Variants in PFKFB3 observed in about 807,000 individuals in gnomAD.
PFKFB3 encodes 6-phosphofructo-2-kinase/fructose-2,6-biphosphatase 3, also known as 6-phosphofructo-2-kinase/fructose-2,6-bisphosphatase 3.
A neutral mutation model predicts 68.0 loss-of-function variants in PFKFB3; 33 were observed. The observed-to-expected ratio is 0.49, with a 90% CI of 0.37 to 0.65. The LOEUF is 0.65. PFKFB3 is among the 30% of genes least tolerant of loss of function. The pLI, the probability that PFKFB3 is intolerant of heterozygous loss-of-function variation, is 0.00. For missense variants in PFKFB3, 586 were observed against 712.2 expected (o/e 0.82, Z 2.02); for synonymous variants, 315 against 288.2 (o/e 1.09, Z -0.94).
chr10:6,162,028 A>G (rs1489596002), intron 1 of PFKFB3, among the ~76,000 whole-genome samples: 2 of 152,166 alleles, frequency 1.3e-5, no homozygotes, highest in Admixed American at 1.3e-4. Context: ...CTCTGCACCC[A>G]TTAAACAATA....
chr10:6,206,014 C>T (rs1441143490), intron 1 of PFKFB3, among the ~76,000 whole-genome samples: 3 of 149,226 alleles, frequency 2.0e-5, no homozygotes, highest in Non-Finnish European at 4.4e-5. Context: ...GGGTGTTTCT[C>T]GCAGAGGGGG....
chr10:6,222,062 C>T (rs148168973), intron 10 of PFKFB3, among the ~76,000 whole-genome samples: 21 of 152,274 alleles, frequency 1.4e-4, no homozygotes, highest in Admixed American at 3.9e-4. Context: ...CCCTGGGCAG[C>T]GTCTGTGCTT....
chr10:6,182,283 C>T (rs567139625), intron 1 of PFKFB3, among the ~76,000 whole-genome samples: 1 of 152,216 alleles, frequency 6.6e-6, no homozygotes, highest in East Asian at 1.9e-4. Flanking sequence ...CACACAGAAG[C>T]ACGCACACAC....
chr10:6,206,192 G>A (rs1843673617), intron 1 of PFKFB3, among the ~76,000 whole-genome samples: 1 of 144,966 alleles, frequency 6.9e-6, no homozygotes, highest in Non-Finnish European at 1.5e-5. Context: ...GTTCAACAAA[G>A]CACATCTTGC....
At chr10:6,223,926 T>G in intron 11 of PFKFB3, 32 bp from the exon 12 acceptor site, 1 of 1,602,864 alleles carries the variant, frequency 6.2e-7, no homozygotes, top group Non-Finnish European at 8.5e-7. Flanking sequence ...CGTGTCTCAT[T>G]TCTAACTGTG....
intron 1 of PFKFB3, among the ~76,000 whole-genome samples, chr10:6,164,863 CA>C (rs1419256797): frequency 1.3e-5 from 2 of 152,182 alleles, no homozygotes; most frequent in African/African-American, 4.8e-5. Flanking sequence ...TTGCTGCCAG[CA>C]TATCGCCTAC....
intron 1 of PFKFB3, among the ~76,000 whole-genome samples, chr10:6,196,565 C>G (rs1247489450): frequency 1.3e-5 from 2 of 152,212 alleles, no homozygotes; most frequent in East Asian, 3.9e-4. Context: ...AATTTGGAGT[C>G]TGATGTTTGA....
upstream of PFKFB3, among the ~76,000 whole-genome samples, chr10:6,199,658 ATTTTTTTTTTTTTTT>A (rs143309528): frequency 5.3e-5 from 4 of 75,586 alleles, no homozygotes; most frequent in Admixed American, 5.6e-4. Context: ...CTATTTTTAA[ATTTTTTTTTTTTTTT>A]TTTTTTTTTT....
chr10:6,152,559 T>C (rs552649863), intron 1 of PFKFB3, among the ~76,000 whole-genome samples: 4 of 152,200 alleles, frequency 2.6e-5, no homozygotes, highest in South Asian at 2.1e-4. Context: ...GCGGATCTGG[T>C]AGCTGAGGAA....
At chr10:6,246,232 G>C (rs1362435206) in intron 14 of PFKFB3, among the ~76,000 whole-genome samples, 2 of 152,124 alleles carry the variant, frequency 1.3e-5, no homozygotes, top group Non-Finnish European at 2.9e-5. Context: ...TTTACACTCA[G>C]ATTAAAAACA....
downstream of PFKFB3, among the ~76,000 whole-genome samples, chr10:6,255,660 CAG>C (rs890705978): frequency 6.6e-6 from 1 of 152,130 alleles, no homozygotes. Flanking sequence ...GTTGATGGGA[CAG>C]AGTTTGCCAG....
At chr10:6,211,581 G>A (rs566014322) in intron 1 of PFKFB3, among the ~76,000 whole-genome samples, 4 of 152,260 alleles carry the variant, frequency 2.6e-5, no homozygotes, top group African/African-American at 9.6e-5. Flanking sequence ...ACTGGCTTTC[G>A]GGGAGGCCAC....
chr10:6,168,652 A>G (rs963568543), intron 1 of PFKFB3, among the ~76,000 whole-genome samples: 9 of 152,204 alleles, frequency 5.9e-5, no homozygotes, highest in Non-Finnish European at 1.3e-4. Flanking sequence ...AGCAATGACA[A>G]CTTGGCCATT....
At chr10:6,275,033 C>G in the PFKFB3 span, among the ~76,000 whole-genome samples, 1 of 152,104 alleles carries the variant, frequency 6.6e-6, no homozygotes, top group Non-Finnish European at 1.5e-5. This position sits in a 1 kb window ranked among gnomAD's most constrained non-coding sequence, Gnocchi z 4.9. Context: ...TGAATTTGAT[C>G]TGTTCCTGGA....
intron 14 of PFKFB3, among the ~76,000 whole-genome samples, chr10:6,245,159 C>T (rs1003040016): frequency 5.3e-5 from 8 of 152,076 alleles, no homozygotes; most frequent in South Asian, 2.1e-4. Context: ...TGCAGTGGCA[C>T]GATCTCAGCT....
chr10:6,319,745 T>A, the PFKFB3 span, among the ~76,000 whole-genome samples: 1 of 152,224 alleles, frequency 6.6e-6, no homozygotes, highest in Non-Finnish European at 1.5e-5. Flanking sequence ...CTTGTTCTAA[T>A]GAGTCCTAAA....
chr10:6,307,055 A>T, the PFKFB3 span, among the ~76,000 whole-genome samples: 4 of 152,018 alleles, frequency 2.6e-5, no homozygotes, highest in African/African-American at 9.7e-5. Context: ...TCAGTTGAAG[A>T]CCTCACTATA....
intron 1 of PFKFB3, among the ~76,000 whole-genome samples, chr10:6,180,765 T>G (rs1842690333): frequency 6.6e-6 from 1 of 152,178 alleles, no homozygotes. Flanking sequence ...TGCCCTAGGT[T>G]ATTTTAATAT....
the PFKFB3 span, among the ~76,000 whole-genome samples, chr10:6,269,217 A>G: frequency 1.4e-5 from 2 of 145,184 alleles, no homozygotes; most frequent in East Asian, 4.0e-4. Flanking sequence ...CAAGCAGATT[A>G]TTTTTACGTT....
Sources: allele counts gnomAD v4.1 joint callset (sites outside exome capture counted in the v4.1 genomes callset), GRCh38; gene constraint gnomAD v4.1.1; non-coding constraint Gnocchi (gnomAD v3.1); transcripts MANE v1.5; gene names NCBI Gene and HGNC (gene_info 2026-07-23, HGNC 2026-07-21).